Variants in TPP2 observed in about 807,000 individuals in gnomAD.
TPP2 encodes tripeptidyl-peptidase 2.
In TPP2, 34 loss-of-function variants were observed where a neutral mutation model predicts 155.9. That is an observed-to-expected ratio of 0.22 (90% CI 0.17 to 0.29). The LOEUF (loss-of-function observed/expected upper bound fraction) is 0.29. TPP2 is among the 10% of genes least tolerant of loss of function. The pLI is 1.00. For synonymous variants in TPP2, 510 were observed against 529.4 expected (o/e 0.96, Z 0.50); for missense variants, 1,028 against 1,522.3 (o/e 0.68, Z 5.40).
chr13:102,616,438 G>T lies in TPP2; in HGVS notation c.433G>T (p.Ala145Ser), dbSNP rs780229520. 5 of 1,613,146 alleles carry T rather than the reference G, an allele frequency of 3.1e-6. No individual in the cohort carries two copies. The East Asian group carries it at 1.1e-4, about 36-fold the overall frequency. Residue 145 changes from alanine (A) to serine (S), a missense_variant, in exon 4 of 30, where the codon GCC (alanine) becomes TCC (serine). By Grantham distance (99) the Ala-to-Ser change is moderately conservative. Coordinates refer to ENST00000376052, the MANE Select transcript of TPP2 (RefSeq NM_001330588.2). Reference protein sequence around the residue: ...EKIWDPVHRVALAEACRKQEE... With the variant: ...EKIWDPVHRVSLAEACRKQEE... ...AATCTGGGACCCTGTTCACAGAGTGGCCCTTGCAGAAGCCTGTAGAAAACA... is the reference window on the plus strand; with the variant it reads ...AATCTGGGACCCTGTTCACAGAGTGTCCCTTGCAGAAGCCTGTAGAAAACA...
At chr13:102,671,242 G>T (rs561435609) in intron 27 of TPP2, among the ~76,000 whole-genome samples, 19 of 152,166 alleles carry the variant, frequency 1.2e-4, no homozygotes, top group Non-Finnish European at 2.1e-4. Context: ...CTGTTGTAGG[G>T]GCCTCATAGG....
chr13:102,669,947 C>T (rs1184388618), intron 27 of TPP2, among the ~76,000 whole-genome samples: 1 of 152,110 alleles, frequency 6.6e-6, no homozygotes, highest in Non-Finnish European at 1.5e-5. Context: ...AGGGCTGTTT[C>T]AAGGTTCTGC....
intron 27 of TPP2, among the ~76,000 whole-genome samples, chr13:102,665,603 T>G (rs1046885838): frequency 1.3e-5 from 2 of 152,164 alleles, no homozygotes; most frequent in African/African-American, 4.8e-5. Flanking sequence ...ATTTGGTCAC[T>G]TTCACCCTTC....
At chr13:102,627,813 T>G (rs971221845) in intron 7 of TPP2, 35 bp from the exon 8 acceptor site, 4 of 1,504,434 alleles carry the variant, frequency 2.7e-6, no homozygotes, top group Non-Finnish European at 3.7e-6. Flanking sequence ...TTCTGTAAAT[T>G]GCTGCCTAAA....
intron 24 of TPP2, among the ~76,000 whole-genome samples, chr13:102,652,571 G>A (rs1444729450): frequency 5.9e-5 from 9 of 151,732 alleles, no homozygotes; most frequent in Non-Finnish European, 1.3e-4. Context: ...ATGTCCTAAT[G>A]TATACTTGTT....
At chr13:102,661,665 G>A (rs1197804479) in intron 25 of TPP2, among the ~76,000 whole-genome samples, 1 of 152,112 alleles carries the variant, frequency 6.6e-6, no homozygotes, top group African/African-American at 2.4e-5. Context: ...ACCAGTAAGT[G>A]CATGAAAAAA....
At chr13:102,626,428 T>G (rs768837678) in intron 6 of TPP2, among the ~76,000 whole-genome samples, 19 of 152,196 alleles carry the variant, frequency 1.2e-4, no homozygotes, top group Non-Finnish European at 2.4e-4. Flanking sequence ...GGTTTTTAAG[T>G]TTTTGAATTT....
chr13:102,602,982 A>T (rs1262625556), intron 1 of TPP2, among the ~76,000 whole-genome samples: 2 of 150,960 alleles, frequency 1.3e-5, no homozygotes, highest in Non-Finnish European at 2.9e-5. Context: ...CCTGCTGGTA[A>T]CTCAGTACAT....
intron 6 of TPP2, among the ~76,000 whole-genome samples, chr13:102,625,768 C>T (rs764412060): frequency 6.6e-6 from 1 of 152,232 alleles, no homozygotes; most frequent in South Asian, 2.1e-4. Flanking sequence ...GACCCTGTTT[C>T]AAAGCCACAT....
At chr13:102,648,840 C>G in intron 21 of TPP2, 67 bp from the exon 22 acceptor site, 1 of 1,515,806 alleles carries the variant, frequency 6.6e-7, no homozygotes, top group African/African-American at 1.4e-5. Flanking sequence ...TCACTTTATC[C>G]TCTTTCAGTG....
At chr13:102,632,380 T>TA (rs941127355) in intron 10 of TPP2, among the ~76,000 whole-genome samples, 2 of 151,946 alleles carry the variant, frequency 1.3e-5, no homozygotes, top group Middle Eastern at 3.2e-3. Context: ...TAGCTGGAAT[T>TA]ACAGGCGCTC....
intron 25 of TPP2, among the ~76,000 whole-genome samples, chr13:102,659,692 G>A (rs1209371075): frequency 6.6e-6 from 1 of 152,140 alleles, no homozygotes; most frequent in Non-Finnish European, 1.5e-5. Context: ...CACCTTATAA[G>A]AAGTACTAAA....
chr13:102,608,378 T>C (rs941028639), intron 2 of TPP2, among the ~76,000 whole-genome samples: 1 of 151,982 alleles, frequency 6.6e-6, no homozygotes, highest in Non-Finnish European at 1.5e-5. Context: ...TTTCCAAGAA[T>C]TTTTTTTGCA....
chr13:102,651,702 C>T (rs1883498914), intron 24 of TPP2, among the ~76,000 whole-genome samples: 1 of 151,046 alleles, frequency 6.6e-6, no homozygotes. Context: ...TGAAATTTTT[C>T]ATATTTACAA....
At chr13:102,655,412 G>A (rs1400564237) in intron 24 of TPP2, among the ~76,000 whole-genome samples, 2 of 152,104 alleles carry the variant, frequency 1.3e-5, no homozygotes, top group Non-Finnish European at 2.9e-5. Context: ...AATGAATATA[G>A]TATTTTAATT....
At chr13:102,646,516 A>G (rs1056019570) in intron 20 of TPP2, 126 bp downstream of exon 20, 6 of 594,612 alleles carry the variant, frequency 1.0e-5, no homozygotes, top group Non-Finnish European at 1.6e-5. Flanking sequence ...AGTGATTAAC[A>G]GTTAATTTGG....
At chr13:102,612,772 A>G (rs544693991) in intron 2 of TPP2, among the ~76,000 whole-genome samples, 76 of 152,254 alleles carry the variant, frequency 5.0e-4, no homozygotes, top group African/African-American at 1.7e-3. Flanking sequence ...AATTATGTCT[A>G]TTGGATTGTT....
chr13:102,674,181 A>G lies in TPP2; in HGVS notation c.3372-102A>G. 2.4e-6 allele frequency: 3 copies of G among 1,262,572 alleles called. No homozygotes were observed. The Admixed American group carries it at 7.5e-5, about 32-fold the overall frequency. The allele number at this position is 1,262,572 out of a possible 1,614,324, so 78.2% of individuals were successfully genotyped here. A position where few individuals can be genotyped will look rare whatever the true frequency, so the allele number is the denominator to read the frequency against. On this transcript the variant is annotated intron_variant, in intron 27 of 29. Coordinates refer to ENST00000376052, the MANE Select transcript of TPP2 (RefSeq NM_001330588.2). ...CCTGGATATACAGTATTTCTGCATT[A>G]TAAATCTTAGGCAAAAGAATACATG...
chr13:102,612,994 CT>C (rs1303075686), intron 2 of TPP2, among the ~76,000 whole-genome samples: 1 of 152,146 alleles, frequency 6.6e-6, no homozygotes, highest in Non-Finnish European at 1.5e-5. Flanking sequence ...GACTACTTCC[CT>C]TTTTGTTGTT....
Sources: allele counts gnomAD v4.1 joint callset (sites outside exome capture counted in the v4.1 genomes callset), GRCh38; gene constraint gnomAD v4.1.1; transcripts MANE v1.5; gene names NCBI Gene and HGNC (gene_info 2026-07-23, HGNC 2026-07-21).